The following ODF2 variants were observed in gnomAD, a reference collection of about 807,000 sequenced individuals.
ODF2 encodes outer dense fiber of sperm tails 2.
Under a neutral mutation model 110.2 loss-of-function variants are expected in ODF2, and 47 were observed. The ratio of observed to expected loss-of-function variants is 0.43; its 90% CI spans 0.34 to 0.54. ODF2 has a LOEUF of 0.54. Among genes scored for constraint, ODF2 ranks in the 20% least tolerant of loss-of-function variants. ODF2 has a pLI of 0.03. For synonymous variants in ODF2, 352 were observed against 397.7 expected (o/e 0.89, Z 1.37); for missense variants, 812 against 1,054.5 (o/e 0.77, Z 3.19).
chr9:128,473,304 T>G, intron 7 of ODF2: 2 of 952,868 alleles, frequency 2.1e-6, no homozygotes, highest in Non-Finnish European at 2.5e-6. Flanking sequence ...TGTGGTTGAT[T>G]CCTGCAAGTA....
chr9:128,473,243 C>T (rs941828666), intron 7 of ODF2: 45 of 985,182 alleles, frequency 4.6e-5, no homozygotes, highest in Non-Finnish European at 5.4e-5. Context: ...TCACCAGGGC[C>T]TCTGAGGAGA....
intron 4 of ODF2, among the ~76,000 whole-genome samples, chr9:128,462,718 G>T (rs926423008): frequency 2.6e-5 from 4 of 151,982 alleles, no homozygotes; most frequent in Admixed American, 2.0e-4. Flanking sequence ...TTCTGCCTCA[G>T]CCTCCCGAGT....
rs1843260649 is a variant in ODF2 at position 128,485,818 on chromosome 9, T to G, written c.1400+344T>G. Among the ~76,000 whole-genome samples the G allele has an allele frequency of 6.6e-6, 1 of 152,106 alleles. No individual in the cohort carries two copies. The highest frequency in any genetic ancestry group is 1.5e-5 in the Non-Finnish European group (1 of 67,992). On this transcript the variant is annotated intron_variant, in intron 13 of 20. Coordinates refer to ENST00000604420, the Ensembl canonical transcript of ODF2. The surrounding 1 kb of genome is among the most constrained non-coding windows in gnomAD (Gnocchi z 5.0). ...GGCACCGTGGTGTCCTCATTCCTAT[T>G]GGGGAATGGGGCAGATGGTGACCCG...
intron 14 of ODF2, among the ~76,000 whole-genome samples, chr9:128,489,325 C>T (rs1844060639): frequency 6.6e-6 from 1 of 152,100 alleles, no homozygotes; most frequent in Non-Finnish European, 1.5e-5. Context: ...TGGAAAAGTA[C>T]ACAGATCCTA....
Position 128,483,822 on chromosome 9 carries a change from G to C in ODF2, c.988-116G>C, listed in dbSNP as rs1008371665. The C allele has an allele frequency of 1.1e-5, 8 of 752,122 alleles. 1 individual carries two copies. The highest frequency in any genetic ancestry group is 2.3e-4 in the Middle Eastern group (1 of 4,322). 46.6% of individuals were successfully genotyped at this position (752,122 alleles called of 1,614,324 possible). On this transcript the variant is annotated intron_variant, in intron 10 of 20. Transcript: ENST00000604420. Reference sequence around the variant, plus strand: ...AATCGCTGGAGCCCAAGAGGTGGAGGTTGCAGTGAGCTGAGATTGCGCCAC... The same window carrying C: ...AATCGCTGGAGCCCAAGAGGTGGAGCTTGCAGTGAGCTGAGATTGCGCCAC...
intron 14 of ODF2, among the ~76,000 whole-genome samples, chr9:128,488,424 C>G (rs998036522): frequency 1.3e-5 from 2 of 151,892 alleles, no homozygotes; most frequent in African/African-American, 4.8e-5. Flanking sequence ...GACTCTGTGT[C>G]AAAAAAGAAA....
chr9:128,463,042 C>T lies in ODF2; in HGVS notation c.249+1975C>T, dbSNP rs1314127875. On this transcript the variant is annotated intron_variant, in intron 4 of 20. Transcript: ENST00000604420. ...TTTTAGGAGGCCCAGGAGGGAGGAT[C>T]GCTTGGGCCCAGGAGTTTGAGATCA... 5.3e-5 allele frequency among the ~76,000 whole-genome samples: 8 copies of T among 152,226 alleles called. No individual in the cohort carries two copies. In the South Asian group the frequency reaches 6.2e-4, roughly 12 times the overall value.
chr9:128,479,452 G>A (rs1253937473), intron 8 of ODF2, among the ~76,000 whole-genome samples: 2 of 152,194 alleles, frequency 1.3e-5, no homozygotes, highest in Non-Finnish European at 1.5e-5. Context: ...CAGGAGTGCT[G>A]TTGGCAGATG....
chr9:128,456,054 GAAACCCAAGCGGC>G, upstream of ODF2: 1 of 1,504,288 alleles, frequency 6.6e-7, no homozygotes, highest in East Asian at 2.6e-5. Flanking sequence ...CCTCGATGGC[GAAACCCAAGCGGC>G]TCCCGGGGGG....
chr9:128,484,724 G>T, exon 12 of ODF2: 1 of 1,582,426 alleles, frequency 6.3e-7, no homozygotes. Context: ...GCGGGAATCA[G>T]CATAAGGCAG....
At chr9:128,473,108 G>T in intron 7 of ODF2, 66 bp downstream of exon 7, 8 of 1,606,532 alleles carry the variant, frequency 5.0e-6, no homozygotes, top group Non-Finnish European at 6.8e-6. Flanking sequence ...TGCAGGCTGG[G>T]CAGGGTCTTT....
upstream of ODF2, among the ~76,000 whole-genome samples, chr9:128,455,850 C>T (rs1244715589): frequency 6.6e-6 from 1 of 152,142 alleles, no homozygotes; most frequent in African/African-American, 2.4e-5. Context: ...ACCGTACGCT[C>T]CTTTGAGTGA....
chr9:128,455,897 G>A, upstream of ODF2: 1 of 1,298,224 alleles, frequency 7.7e-7, no homozygotes, highest in Middle Eastern at 2.8e-4. Flanking sequence ...GGGAAACAGG[G>A]CCGAGCGGGA....
intron 13 of ODF2, 71 bp from the exon 14 acceptor site, chr9:128,487,819 A>G: frequency 6.5e-7 from 1 of 1,546,970 alleles, no homozygotes. Flanking sequence ...ACACACACAC[A>G]CACACACACA....
At chr9:128,488,865 G>A (rs1262794520) in intron 14 of ODF2, among the ~76,000 whole-genome samples, 1 of 152,062 alleles carries the variant, frequency 6.6e-6, no homozygotes, top group Non-Finnish European at 1.5e-5. Flanking sequence ...AAATTATCTG[G>A]GCATGGTGGT....
intron 16 of ODF2, among the ~76,000 whole-genome samples, chr9:128,493,426 A>C (rs1051739552): frequency 1.3e-5 from 2 of 152,200 alleles, no homozygotes; most frequent in Admixed American, 1.3e-4. Context: ...TCATGCTTGG[A>C]GCATCCAAGT....
chr9:128,459,548 T>C lies in ODF2; in HGVS notation c.33-19T>C. The C allele has an allele frequency of 6.2e-7, 1 of 1,605,982 alleles. No homozygotes were observed. Among genetic ancestry groups the C allele is most frequent in the Non-Finnish European group, 8.5e-7 (1 of 1,173,424 alleles). On this transcript the variant is annotated intron_variant, in intron 2 of 20. Transcript: ENST00000604420. ...CCCTAGTTTTCTGCTTACAATCTGG[T>C]TCTTGTGCCTGGGTGCAGGTTTCCA...
At chr9:128,462,424 C>G (rs757791630) in intron 4 of ODF2, among the ~76,000 whole-genome samples, 4 of 152,092 alleles carry the variant, frequency 2.6e-5, no homozygotes, top group Non-Finnish European at 5.9e-5. Flanking sequence ...GCTGGGATTA[C>G]AGGTGTGAGC....
chr9:128,474,260 C>T (rs1224156874), intron 8 of ODF2, among the ~76,000 whole-genome samples: 1 of 151,716 alleles, frequency 6.6e-6, no homozygotes, highest in African/African-American at 2.4e-5. Context: ...TTTGGGAGGC[C>T]GAGGAGGGTG....
Sources: allele counts gnomAD v4.1 joint callset (sites outside exome capture counted in the v4.1 genomes callset), GRCh38; gene constraint gnomAD v4.1.1; non-coding constraint Gnocchi (gnomAD v3.1); transcripts MANE v1.5; gene names NCBI Gene and HGNC (gene_info 2026-07-23, HGNC 2026-07-21).